CDH4: variants seen among roughly 807,000 people sequenced by gnomAD.
The protein encoded by CDH4 is cadherin 4.
Under a neutral mutation model 86.0 loss-of-function variants are expected in CDH4, and 33 were observed. That is an observed-to-expected ratio of 0.38 (90% CI 0.29 to 0.51). The LOEUF is 0.51. Ranked by LOEUF, CDH4 falls within the 20% of genes least tolerant of loss-of-function variation. The pLI, the probability that CDH4 is intolerant of heterozygous loss-of-function variation, is 0.86. For synonymous variants in CDH4, 555 were observed against 549.4 expected, an observed-to-expected ratio of 1.01 and a Z score of -0.14; for missense variants, 1,114 against 1,307.4, an observed-to-expected ratio of 0.85 and a Z score of 2.28.
At chr20:61,770,610 G>A (rs1190782760) in intron 3 of CDH4, among the ~76,000 whole-genome samples, 6 of 152,336 alleles carry the variant, frequency 3.9e-5, no homozygotes, top group South Asian at 2.1e-4. Context: ...GGGTTCAGGC[G>A]CGGTGGCTCA....
chr20:61,666,610 C>A (rs1051184699), intron 2 of CDH4, among the ~76,000 whole-genome samples: 1 of 152,202 alleles, frequency 6.6e-6, no homozygotes. Context: ...AGGCCACATC[C>A]GCAGAACTGT....
At chr20:61,658,399 TG>T (rs1489191550) in intron 2 of CDH4, among the ~76,000 whole-genome samples, 1 of 152,190 alleles carries the variant, frequency 6.6e-6, no homozygotes, top group Non-Finnish European at 1.5e-5. Context: ...CTGCAATCCC[TG>T]AGTCATTGTT....
intron 2 of CDH4, among the ~76,000 whole-genome samples, chr20:61,540,618 A>G (rs988178681): frequency 2.6e-5 from 4 of 152,196 alleles, no homozygotes; most frequent in African/African-American, 7.2e-5. Context: ...CTCCTGTCCC[A>G]GGGAAGATCT....
intron 4 of CDH4, among the ~76,000 whole-genome samples, chr20:61,836,012 G>C (rs572670197): frequency 6.6e-6 from 1 of 152,342 alleles, no homozygotes; most frequent in African/African-American, 2.4e-5. Context: ...CCGGTTGGGT[G>C]ATCCCAGGGC....
chr20:61,562,639 T>C (rs6061639), intron 2 of CDH4, among the ~76,000 whole-genome samples: 40,740 of 152,182 alleles, frequency 0.27, 6,039 homozygotes, highest in African/African-American at 0.4. Flanking sequence ...AGAGTCCCCA[T>C]GGAATGCCAC....
intron 2 of CDH4, among the ~76,000 whole-genome samples, chr20:61,283,563 TAG>T (rs1235189319): frequency 2.1e-5 from 3 of 143,604 alleles, no homozygotes; most frequent in Non-Finnish European, 4.6e-5. Context: ...GTGTGTGATG[TAG>T]GTGCATTTGC....
At chr20:61,914,181 C>T (rs1303846003) in intron 9 of CDH4, among the ~76,000 whole-genome samples, 1 of 152,200 alleles carries the variant, frequency 6.6e-6, no homozygotes, top group African/African-American at 2.4e-5. Flanking sequence ...ACCCCAAACC[C>T]ACTATGCCAA....
At chr20:61,310,982 G>A (rs917785485) in intron 2 of CDH4, among the ~76,000 whole-genome samples, 4 of 152,156 alleles carry the variant, frequency 2.6e-5, no homozygotes, top group Middle Eastern at 3.4e-3. Flanking sequence ...GGAATTTGAC[G>A]GGGACACAGG....
chr20:61,826,427 C>T (rs1258113638), intron 4 of CDH4, among the ~76,000 whole-genome samples: 1 of 152,244 alleles, frequency 6.6e-6, no homozygotes, highest in Non-Finnish European at 1.5e-5. Context: ...CAGGCCTCTG[C>T]TCCAGGGCCA....
At chr20:61,779,262 G>A (rs968424610) in intron 4 of CDH4, among the ~76,000 whole-genome samples, 4 of 152,222 alleles carry the variant, frequency 2.6e-5, no homozygotes, top group African/African-American at 7.2e-5. Flanking sequence ...GAGGGGGAAC[G>A]TGGTGCTCCT....
intron 2 of CDH4, among the ~76,000 whole-genome samples, chr20:61,585,338 C>T (rs1012545883): frequency 6.6e-6 from 1 of 152,230 alleles, no homozygotes; most frequent in Non-Finnish European, 1.5e-5. Flanking sequence ...CACACCATCC[C>T]TCTTACAATC....
At chr20:61,325,469 G>T (rs996516731) in intron 2 of CDH4, among the ~76,000 whole-genome samples, 4 of 151,990 alleles carry the variant, frequency 2.6e-5, no homozygotes, top group Non-Finnish European at 4.4e-5. Flanking sequence ...AGTAAAGACT[G>T]CATTTCTTGA....
intron 2 of CDH4, among the ~76,000 whole-genome samples, chr20:61,367,016 C>T (rs371642991): frequency 6.6e-6 from 1 of 152,196 alleles, no homozygotes; most frequent in Admixed American, 6.5e-5. Flanking sequence ...AACGAGACAG[C>T]GGGGCCCATC....
intron 2 of CDH4, among the ~76,000 whole-genome samples, chr20:61,675,115 G>A (rs541812155): frequency 2.0e-5 from 3 of 152,362 alleles, no homozygotes; most frequent in South Asian, 2.1e-4. Context: ...TCTGAGCGAC[G>A]TGTGACAGGC....
intron 2 of CDH4, among the ~76,000 whole-genome samples, chr20:61,692,766 A>G (rs578154912): frequency 5.1e-4 from 77 of 152,350 alleles, no homozygotes; most frequent in African/African-American, 1.8e-3. Flanking sequence ...GCAATTGATC[A>G]GAAACATTGA....
At chr20:61,626,157 C>T (rs1462688075) in intron 2 of CDH4, among the ~76,000 whole-genome samples, 4 of 152,174 alleles carry the variant, frequency 2.6e-5, no homozygotes, top group African/African-American at 4.8e-5. Flanking sequence ...GGGAAGGGGA[C>T]ATTCTAGAGG....
At chr20:61,640,109 A>G (rs573125793) in intron 2 of CDH4, among the ~76,000 whole-genome samples, 1 of 152,334 alleles carries the variant, frequency 6.6e-6, no homozygotes, top group African/African-American at 2.4e-5. Context: ...TTAGTGGTAT[A>G]TTTTGATATA....
At chr20:61,381,846 G>C (rs1471590972) in intron 2 of CDH4, among the ~76,000 whole-genome samples, 2 of 152,124 alleles carry the variant, frequency 1.3e-5, no homozygotes, top group Non-Finnish European at 2.9e-5. Context: ...GAAGCTGGGC[G>C]GGTGGATCAC....
At chr20:61,311,216 C>T (rs1444863528) in intron 2 of CDH4, among the ~76,000 whole-genome samples, 1 of 152,152 alleles carries the variant, frequency 6.6e-6, no homozygotes, top group Non-Finnish European at 1.5e-5. Context: ...CACACACCCA[C>T]ACCAGCAATG....
Sources: allele counts gnomAD v4.1 joint callset (sites outside exome capture counted in the v4.1 genomes callset), GRCh38; gene constraint gnomAD v4.1.1; transcripts MANE v1.5; gene names NCBI Gene and HGNC (gene_info 2026-07-23, HGNC 2026-07-21).